The following SNTG2 variants were observed in gnomAD, a reference collection of about 807,000 sequenced individuals.
The protein encoded by SNTG2 is gamma-2-syntrophin.
Under a neutral mutation model 70.9 loss-of-function variants are expected in SNTG2, and 74 were observed. The observed-to-expected ratio is 1.04, with a 90% CI of 0.86 to 1.27. The LOEUF is 1.27. Among genes scored for constraint, SNTG2 ranks in the 50% most tolerant of loss-of-function variants. SNTG2 has a pLI of 0.00. For synonymous variants in SNTG2, 278 were observed against 273.8 expected, an observed-to-expected ratio of 1.02 and a Z score of -0.15; for missense variants, 717 against 690.7, an observed-to-expected ratio of 1.04 and a Z score of -0.43.
At chr2:1,054,571 A>G (rs1175137373) in intron 1 of SNTG2, among the ~76,000 whole-genome samples, 2 of 152,156 alleles carry the variant, frequency 1.3e-5, no homozygotes, top group East Asian at 3.9e-4. Flanking sequence ...AGAAGGTCTC[A>G]GTAATATCCC....
At chr2:1,265,019 C>T (rs556508821) in intron 13 of SNTG2, among the ~76,000 whole-genome samples, 4 of 152,210 alleles carry the variant, frequency 2.6e-5, no homozygotes, top group Non-Finnish European at 4.4e-5. Context: ...TCTTCAACTG[C>T]GTGAGAGTTG....
At chr2:1,025,302 A>C (rs1660415705) in intron 1 of SNTG2, among the ~76,000 whole-genome samples, 1 of 152,042 alleles carries the variant, frequency 6.6e-6, no homozygotes, top group South Asian at 2.1e-4. Context: ...GGGTGGCAGG[A>C]GATATGGGTG....
chr2:1,178,267 C>G (rs1049723251), intron 8 of SNTG2, among the ~76,000 whole-genome samples: 1 of 152,184 alleles, frequency 6.6e-6, no homozygotes, highest in Non-Finnish European at 1.5e-5. Flanking sequence ...ATTTGACTTC[C>G]TCTTTTCCTA....
chr2:1,297,108 G>T (rs1680250717), intron 14 of SNTG2, among the ~76,000 whole-genome samples: 2 of 152,062 alleles, frequency 1.3e-5, no homozygotes, highest in South Asian at 4.2e-4. Context: ...GTTTCGAATT[G>T]CCCCGTTCTA....
chr2:1,235,879 TGA>T (rs1162215016), intron 9 of SNTG2, among the ~76,000 whole-genome samples: 1 of 152,222 alleles, frequency 6.6e-6, no homozygotes, highest in Non-Finnish European at 1.5e-5. Flanking sequence ...GTTTTTGGTC[TGA>T]GAGTTGGTTG....
chr2:1,225,881 C>T (rs1037668244), intron 9 of SNTG2, among the ~76,000 whole-genome samples: 4 of 152,134 alleles, frequency 2.6e-5, no homozygotes, highest in African/African-American at 7.2e-5. Flanking sequence ...CTTAGCACAC[C>T]TGGGCAGGGC....
At chr2:1,085,171 A>C (rs1246305769) in intron 2 of SNTG2, among the ~76,000 whole-genome samples, 1 of 152,162 alleles carries the variant, frequency 6.6e-6, no homozygotes, top group African/African-American at 2.4e-5. Flanking sequence ...CTAAATACCT[A>C]ATAAGAGTGG....
chr2:1,269,897 G>A (rs751636740), intron 14 of SNTG2, among the ~76,000 whole-genome samples: 5 of 152,198 alleles, frequency 3.3e-5, no homozygotes, highest in Admixed American at 6.5e-5. Context: ...ATCCATCCAC[G>A]TTTCTGCAGG....
chr2:1,114,858 G>T (rs1666830050), intron 4 of SNTG2, among the ~76,000 whole-genome samples: 1 of 151,800 alleles, frequency 6.6e-6, no homozygotes, highest in Non-Finnish European at 1.5e-5. Context: ...AACCCTTATA[G>T]TCCTTTGAGA....
intron 9 of SNTG2, among the ~76,000 whole-genome samples, chr2:1,223,346 G>A (rs1038450556): frequency 1.3e-5 from 2 of 150,664 alleles, no homozygotes; most frequent in African/African-American, 2.4e-5. Flanking sequence ...GTGATGGAGG[G>A]CGTCTCCCTG....
chr2:1,251,094 G>A (rs1361029174), intron 12 of SNTG2, among the ~76,000 whole-genome samples: 1 of 152,158 alleles, frequency 6.6e-6, no homozygotes, highest in Non-Finnish European at 1.5e-5. Context: ...GGGTCAGCGA[G>A]GACCCGAATG....
At chr2:1,141,192 A>G (rs1668726097) in intron 6 of SNTG2, among the ~76,000 whole-genome samples, 1 of 152,254 alleles carries the variant, frequency 6.6e-6, no homozygotes, top group African/African-American at 2.4e-5. Context: ...TTCCTAATAC[A>G]GAGCTGAAGC....
At chr2:991,918 G>A (rs1275982922) in intron 1 of SNTG2, among the ~76,000 whole-genome samples, 1 of 152,148 alleles carries the variant, frequency 6.6e-6, no homozygotes, top group Non-Finnish European at 1.5e-5. Context: ...CTGGCAGGGA[G>A]CGCTTGTAAG....
intron 13 of SNTG2, among the ~76,000 whole-genome samples, chr2:1,262,259 C>A (rs72770623): frequency 0.093 from 14,083 of 152,104 alleles, 717 homozygotes; most frequent in South Asian, 0.15. Context: ...TGTTAATTGG[C>A]CTCCTGCAAA....
intron 8 of SNTG2, among the ~76,000 whole-genome samples, chr2:1,182,360 C>CAAAAAAAAAAAAAAAAAAAAAAAAAA (rs10587246): frequency 8.2e-6 from 1 of 122,058 alleles, no homozygotes; most frequent in Admixed American, 8.2e-5. Context: ...TTAAAAATTT[C>CAAAAAAAAAAAAAAAAAAAAAAAAAA]AAAAAAAAAA....
At chr2:1,069,211 A>G (rs1487324778) in intron 1 of SNTG2, among the ~76,000 whole-genome samples, 1 of 152,194 alleles carries the variant, frequency 6.6e-6, no homozygotes, top group Non-Finnish European at 1.5e-5. Context: ...CGTGTCTGAA[A>G]GATTCATCCT....
chr2:1,259,292 C>T, intron 12 of SNTG2, 78 bp from the exon 13 acceptor site: 1 of 1,264,278 alleles, frequency 7.9e-7, no homozygotes, highest in Non-Finnish European at 1.2e-6. Context: ...CACATGCAGT[C>T]ACACTATTGT....
chr2:1,352,766 G>T lies in SNTG2; in HGVS notation c.1489-14577G>T, dbSNP rs533340383. ...ACATTGGCCTTGTCACCTTGCACAG[G>T]TTATTTAAATCTCTGTTTTCTCATT... On this transcript the variant is annotated intron_variant, in intron 16 of 16. Coordinates refer to ENST00000308624, the MANE Select transcript of SNTG2 (RefSeq NM_018968.4). Among the ~76,000 whole-genome samples, 37 of 152,246 alleles carry T rather than the reference G, an allele frequency of 2.4e-4. No homozygotes were observed. The East Asian group carries it at 6.4e-3, about 26-fold the overall frequency.
intron 16 of SNTG2, among the ~76,000 whole-genome samples, chr2:1,337,675 C>T (rs936973670): frequency 2.0e-5 from 3 of 152,096 alleles, no homozygotes; most frequent in Non-Finnish European, 4.4e-5. Flanking sequence ...TCCTTTGATG[C>T]ACAAAAGTTA....
Sources: allele counts gnomAD v4.1 joint callset (sites outside exome capture counted in the v4.1 genomes callset), GRCh38; gene constraint gnomAD v4.1.1; transcripts MANE v1.5; gene names NCBI Gene and HGNC (gene_info 2026-07-23, HGNC 2026-07-21).